Variants in RIPOR3 observed in about 807,000 individuals in gnomAD.
RIPOR3 encodes family with sequence similarity 65 member C.
Under a neutral mutation model 114.3 loss-of-function variants are expected in RIPOR3, and 95 were observed. The observed-to-expected ratio is 0.83, with a 90% CI of 0.70 to 0.99. The LOEUF (loss-of-function observed/expected upper bound fraction) is 0.99. RIPOR3 is among the 50% of genes least tolerant of loss of function. RIPOR3 has a pLI of 0.00. For synonymous variants in RIPOR3, 575 were observed against 543.8 expected, an observed-to-expected ratio of 1.06 and a Z score of -0.80; for missense variants, 1,252 against 1,266.9, an observed-to-expected ratio of 0.99 and a Z score of 0.18.
intron 1 of RIPOR3, among the ~76,000 whole-genome samples, chr20:50,637,581 G>T (rs1393756778): frequency 6.6e-6 from 1 of 151,966 alleles, no homozygotes; most frequent in African/African-American, 2.4e-5. Context: ...AAGTTTTTGG[G>T]GCCAGGCACA....
intron 13 of RIPOR3, among the ~76,000 whole-genome samples, chr20:50,600,514 T>A (rs935332129): frequency 2.0e-5 from 3 of 152,122 alleles, no homozygotes; most frequent in Admixed American, 6.5e-5. Flanking sequence ...ATCCCAACGC[T>A]TCGGGAGGCT....
At chr20:50,605,770 C>T (rs1363175101) in intron 11 of RIPOR3, among the ~76,000 whole-genome samples, 1 of 149,388 alleles carries the variant, frequency 6.7e-6, no homozygotes, top group Non-Finnish European at 1.5e-5. Context: ...CAGAGCAAGA[C>T]TCTATCTCAA....
intron 1 of RIPOR3, among the ~76,000 whole-genome samples, chr20:50,651,426 G>A (rs575582914): frequency 6.6e-6 from 1 of 152,292 alleles, no homozygotes; most frequent in Non-Finnish European, 1.5e-5. Flanking sequence ...CATGGATATT[G>A]TTTTAAGCTG....
rs924574853 is a variant in RIPOR3, at chr20:50,586,650, G to A, written c.*582C>T. On this transcript the variant is annotated 3_prime_UTR_variant, in exon 22 of 22. Transcript: ENST00000327979. Reference sequence around the variant, plus strand: ...TGAGCTCCACCAGCACTCGCAGCAAGTCAGTCGGGCTGAGAGTGTGGTTGT... The same window carrying A: ...TGAGCTCCACCAGCACTCGCAGCAAATCAGTCGGGCTGAGAGTGTGGTTGT... The A allele has an allele frequency of 4.5e-5, 7 of 153,972 alleles. No homozygotes were observed. Among genetic ancestry groups the A allele is most frequent in the African/African-American group, 1.7e-4 (7 of 41,480 alleles). The allele number at this position is 153,972 out of a possible 1,614,324, so 9.5% of individuals were successfully genotyped here. A position where few individuals can be genotyped will look rare whatever the true frequency, so the allele number is the denominator to read the frequency against.
intron 1 of RIPOR3, among the ~76,000 whole-genome samples, chr20:50,660,533 C>G (rs2085957221): frequency 6.6e-6 from 1 of 152,114 alleles, no homozygotes; most frequent in Non-Finnish European, 1.5e-5. Context: ...GAGGGTAGCA[C>G]TTCCAAGCCA....
chr20:50,604,301 T>TG (rs1352707934), intron 12 of RIPOR3, among the ~76,000 whole-genome samples: 1 of 152,196 alleles, frequency 6.6e-6, no homozygotes, highest in Non-Finnish European at 1.5e-5. Flanking sequence ...GAGGGGACCC[T>TG]GATCCATGGA....
Position 50,595,462 on chromosome 20 carries a change from G to A in RIPOR3, c.1957C>T (p.Leu653Phe), listed in dbSNP as rs753976550. 1.2e-5 allele frequency: 20 copies of A among 1,614,044 alleles called. No individual in the cohort carries two copies. The highest frequency in any genetic ancestry group is 1.6e-5 in the Non-Finnish European group (19 of 1,180,030). ...TTTTGCTGTGCCACTTCTTCCAGGA[G>A]GCATTCCTGGACCAGCCTTGATAAA... ...PNLSRLVQEC[L>F]LEEVAQQKHV... The change falls in exon 16 of 22, where the codon CTC becomes TTC. Residue 653 changes from leucine to phenylalanine, a missense_variant. By Grantham distance (22) the Leu-to-Phe change is conservative. Transcript: ENST00000327979.
At chr20:50,663,581 T>C (rs918194553) in intron 1 of RIPOR3, among the ~76,000 whole-genome samples, 1 of 152,162 alleles carries the variant, frequency 6.6e-6, no homozygotes, top group African/African-American at 2.4e-5. Flanking sequence ...CCTAAAATGA[T>C]GAAGTTCATA....
chr20:50,615,108 AGTGTGTGT>A lies in RIPOR3; in HGVS notation c.348+886_348+893del, dbSNP rs56136460. On this transcript the variant is annotated intron_variant, in intron 4 of 21. Transcript: ENST00000327979. ...AATTTAATGGGGCATGCTATTTGTG[AGTGTGTGT>A]GTGTGTGTGTGTGTGTGTGTGTGTG... 2.3e-3 allele frequency among the ~76,000 whole-genome samples: 319 copies of A among 138,510 alleles called. 1 individual carries two copies. Among genetic ancestry groups the A allele is most frequent in the African/African-American group, 7.4e-3 (269 of 36,128 alleles). The allele number at this position is 138,510 out of a possible 152,430, so 90.9% of individuals were successfully genotyped here.
At chr20:50,674,609 T>C (rs1276308680) in intron 1 of RIPOR3, among the ~76,000 whole-genome samples, 1 of 148,062 alleles carries the variant, frequency 6.8e-6, no homozygotes, top group East Asian at 2.0e-4. Flanking sequence ...GAGGTCATAC[T>C]AGATTAGGGT....
intron 1 of RIPOR3, among the ~76,000 whole-genome samples, chr20:50,649,478 C>A (rs527412213): frequency 6.6e-6 from 1 of 152,250 alleles, no homozygotes; most frequent in South Asian, 2.1e-4. Flanking sequence ...GGAAGGATGC[C>A]TGGCACACTC....
intron 1 of RIPOR3, among the ~76,000 whole-genome samples, chr20:50,633,587 A>C (rs1300378206): frequency 3.3e-5 from 5 of 152,064 alleles, no homozygotes; most frequent in Admixed American, 3.3e-4. Flanking sequence ...CGTACTCCGG[A>C]GCCAGCCTGG....
intron 1 of RIPOR3, among the ~76,000 whole-genome samples, chr20:50,631,721 A>G (rs898760839): frequency 5.9e-5 from 9 of 152,200 alleles, no homozygotes; most frequent in Non-Finnish European, 8.8e-5. Context: ...CCGCCCTGCA[A>G]TGGGGCCAAC....
intron 3 of RIPOR3, among the ~76,000 whole-genome samples, chr20:50,618,542 C>T (rs949431777): frequency 3.3e-5 from 5 of 152,254 alleles, no homozygotes; most frequent in Middle Eastern, 6.8e-3. Context: ...CCAATGTCAC[C>T]TTCTTAGCAA....
intron 1 of RIPOR3, among the ~76,000 whole-genome samples, chr20:50,672,812 T>C (rs1482094446): frequency 2.0e-5 from 3 of 152,164 alleles, no homozygotes; most frequent in Admixed American, 6.5e-5. Flanking sequence ...TGGCTGCCCA[T>C]AGAGGCGCAC....
intron 1 of RIPOR3, among the ~76,000 whole-genome samples, chr20:50,660,975 T>C (rs2085976050): frequency 6.6e-6 from 1 of 151,664 alleles, no homozygotes; most frequent in Non-Finnish European, 1.5e-5. Context: ...CGGTGTCTCA[T>C]GCCTGTAATC....
At chr20:50,690,466 T>C (rs1471323906) in intron 1 of RIPOR3, among the ~76,000 whole-genome samples, 1 of 152,170 alleles carries the variant, frequency 6.6e-6, no homozygotes, top group African/African-American at 2.4e-5. Flanking sequence ...AGTAAAAGGC[T>C]GCTTGCCAGT....
At chr20:50,635,129 A>G (rs1216143275) in intron 1 of RIPOR3, among the ~76,000 whole-genome samples, 1 of 152,222 alleles carries the variant, frequency 6.6e-6, no homozygotes, top group East Asian at 1.9e-4. Flanking sequence ...AGCATTTTAG[A>G]GCAAAACCAG....
chr20:50,603,339 A>G (rs183430152), intron 12 of RIPOR3, among the ~76,000 whole-genome samples: 2 of 152,328 alleles, frequency 1.3e-5, no homozygotes, highest in East Asian at 3.9e-4. Flanking sequence ...CCTGGGCTCA[A>G]GCAATTCTCC....
Sources: allele counts gnomAD v4.1 joint callset (sites outside exome capture counted in the v4.1 genomes callset), GRCh38; gene constraint gnomAD v4.1.1; transcripts MANE v1.5; gene names NCBI Gene and HGNC (gene_info 2026-07-23, HGNC 2026-07-21).